PCDHA9: variants seen among roughly 807,000 people sequenced by gnomAD.
PCDHA9 encodes the protein protocadherin alpha 9.
In PCDHA9, 62 loss-of-function variants were observed where a neutral mutation model predicts 62.0. The ratio of observed to expected loss-of-function variants is 1.00; its 90% CI spans 0.81 to 1.23. PCDHA9 has a LOEUF of 1.23. Ranked by LOEUF, PCDHA9 falls within the 50% of genes most tolerant of loss-of-function variation. PCDHA9 has a pLI of 0.00. For missense variants in PCDHA9, 1,205 were observed against 1,249.8 expected, an observed-to-expected ratio of 0.96 and a Z score of 0.54; for synonymous variants, 557 against 567.6, an observed-to-expected ratio of 0.98 and a Z score of 0.27.
chr5:140,984,599 C>T (rs1415361733), intron 3 of PCDHA9, among the ~76,000 whole-genome samples: 1 of 152,162 alleles, frequency 6.6e-6, no homozygotes, highest in Non-Finnish European at 1.5e-5. Context: ...TCAATACATA[C>T]CTCTGCATCA....
At position 140,849,867 on chromosome 5, in the gene PCDHA9, T is replaced by C. The variant is rs2150454998; in HGVS notation, c.1372T>C (p.Ser458Pro). Residue 458 changes from serine to proline, a missense_variant, in exon 1 of 4, where the codon TCC becomes CCC. This residue lies in a region of PCDHA9 where 887 missense variants were observed against 809.5 expected (regional missense o/e 1.10). Coordinates refer to ENST00000532602, the MANE Select transcript of PCDHA9 (RefSeq NM_031857.2). ...CGACAACGCACCAGCGTTCGCGCAG[T>C]CCGAGTACACGGTGTTCGTGAAGGA... The part of the protein sequence containing the change: ...VNDNAPAFAQ[S>P]EYTVFVKENN... The C allele has an allele frequency of 6.1e-5, 97 of 1,598,416 alleles. 5 individuals carry two copies. Among genetic ancestry groups the C allele is most frequent in the Non-Finnish European group, 6.9e-5 (81 of 1,167,974 alleles).
At chr5:140,956,098 GA>G (rs2095256801) in intron 1 of PCDHA9, among the ~76,000 whole-genome samples, 1 of 152,160 alleles carries the variant, frequency 6.6e-6, no homozygotes, top group African/African-American at 2.4e-5. Context: ...TGCAAACAAA[GA>G]TAATTTGATT....
At chr5:140,876,483 G>C in intron 1 of PCDHA9, 1 of 1,614,004 alleles carries the variant, frequency 6.2e-7, no homozygotes, top group Non-Finnish European at 8.5e-7. Context: ...GCATGGTCCT[G>C]GTGGAAGTTC....
chr5:140,850,812 A>C lies in PCDHA9; in HGVS notation c.2317A>C (p.Ser773Arg). The change falls in exon 1 of 4, where the codon AGC (serine) becomes CGC (arginine). Residue 773 changes from serine (S) to arginine (R), a missense_variant. Coordinates refer to ENST00000532602, the MANE Select transcript of PCDHA9 (RefSeq NM_031857.2). Reference protein sequence around the residue: ...GKQKTDLMAFSPGLSPCAGST... With the variant: ...GKQKTDLMAFRPGLSPCAGST... ...GCAGAAGACCGACCTCATGGCCTTC[A>C]GCCCGGGCCTTTCTCCTTGTGCTGG... is the stretch of plus-strand genomic sequence containing the variant. 6.3e-7 allele frequency: 1 copy of C among 1,598,316 alleles called. No individual in the cohort carries two copies. Among genetic ancestry groups the C allele is most frequent in the Non-Finnish European group, 8.6e-7 (1 of 1,167,674 alleles).
intron 1 of PCDHA9, among the ~76,000 whole-genome samples, chr5:140,913,111 T>C (rs2076211610): frequency 6.6e-6 from 1 of 152,194 alleles, no homozygotes; most frequent in Non-Finnish European, 1.5e-5. Context: ...TAGAATCAGT[T>C]TGGAAGTTAA....
intron 1 of PCDHA9, among the ~76,000 whole-genome samples, chr5:140,950,786 T>A (rs890329662): frequency 6.6e-6 from 1 of 152,140 alleles, no homozygotes; most frequent in Non-Finnish European, 1.5e-5. Context: ...TGGTACTTTT[T>A]AAATATTGTC....
At chr5:140,895,143 A>C (rs115893558) in intron 1 of PCDHA9, among the ~76,000 whole-genome samples, 3,577 of 152,272 alleles carry the variant, frequency 0.023, 51 homozygotes, top group Middle Eastern at 0.034. Flanking sequence ...CATAGGGCTA[A>C]GACAGGTTTA....
rs530119651 is a variant in PCDHA9, at chr5:140,965,991, T to A, written c.2395-12958T>A. ...CCTAGGAGTTGAGCACTTTCTGCAG[T>A]ACTTAAGAGTGTCCAGGGAAGATGT... On this transcript the variant is annotated intron_variant, in intron 1 of 3. Transcript: ENST00000532602. Among the ~76,000 whole-genome samples, 253 of 152,310 alleles carry A rather than the reference T, an allele frequency of 1.7e-3. 2 individuals carry two copies. Among genetic ancestry groups the A allele is most frequent in the Non-Finnish European group, 2.4e-3 (164 of 68,034 alleles).
chr5:140,916,092 A>T (rs1396935399), intron 1 of PCDHA9, among the ~76,000 whole-genome samples: 1 of 152,092 alleles, frequency 6.6e-6, no homozygotes, highest in Non-Finnish European at 1.5e-5. Flanking sequence ...GTCCACAGGG[A>T]ATCTGCCTGG....
intron 1 of PCDHA9, chr5:140,870,818 C>A: frequency 6.2e-7 from 1 of 1,613,692 alleles, no homozygotes; most frequent in Non-Finnish European, 8.5e-7. Context: ...GCTGGCAGCG[C>A]GGGAGGCGCA....
At chr5:140,857,386 C>T (rs782509093) in intron 1 of PCDHA9, 1 of 1,598,308 alleles carries the variant, frequency 6.3e-7, no homozygotes. Context: ...AGGTGGCCGA[C>T]GTGAACGACA....
At chr5:140,882,538 C>T (rs782086663) in intron 1 of PCDHA9, 2 of 1,614,170 alleles carry the variant, frequency 1.2e-6, no homozygotes, top group Non-Finnish European at 1.7e-6. Flanking sequence ...ATTCTCGGAT[C>T]GACCGCGAGG....
chr5:140,928,687 C>G (rs782599747), intron 1 of PCDHA9: 1 of 1,614,142 alleles, frequency 6.2e-7, no homozygotes, highest in Non-Finnish European at 8.5e-7. Flanking sequence ...GCTTTCCTAC[C>G]ACATCTCCCG....
chr5:140,950,896 A>G (rs1023778505), intron 1 of PCDHA9, among the ~76,000 whole-genome samples: 1 of 151,834 alleles, frequency 6.6e-6, no homozygotes, highest in Non-Finnish European at 1.5e-5. Context: ...TCTGAGATTT[A>G]TTTTATTTTT....
intron 3 of PCDHA9, among the ~76,000 whole-genome samples, chr5:141,006,466 G>T (rs2153987717): frequency 6.6e-6 from 1 of 152,178 alleles, no homozygotes; most frequent in South Asian, 2.1e-4. Context: ...GCCTGTCTCG[G>T]CCTCCCAAAG....
At chr5:140,927,903 C>T in intron 1 of PCDHA9, 1 of 1,614,158 alleles carries the variant, frequency 6.2e-7, no homozygotes, top group South Asian at 1.1e-5. Flanking sequence ...ACGATCATGC[C>T]CCCGAACTGG....
chr5:140,944,095 A>AT (rs2093609322), intron 1 of PCDHA9, among the ~76,000 whole-genome samples: 1 of 152,250 alleles, frequency 6.6e-6, no homozygotes. Context: ...GAGTAAGTTT[A>AT]TATCTCATGG....
chr5:140,962,825 G>A (rs962485906), intron 1 of PCDHA9, among the ~76,000 whole-genome samples: 1 of 152,194 alleles, frequency 6.6e-6, no homozygotes, highest in Non-Finnish European at 1.5e-5. Flanking sequence ...ATGACCATTT[G>A]TCTCTTTTTT....
rs192969362 is a variant in PCDHA9 at position 140,893,205 on chromosome 5, T to C, written c.2394+42316T>C. On this transcript the variant is annotated intron_variant, in intron 1 of 3. Transcript: ENST00000532602. ...CTATTGTGAATAGTGCTGCAGTAAG[T>C]ATGGGAGGTGCAGGTATCACTTTGA... Among the ~76,000 whole-genome samples, 9 of 152,220 alleles carry C rather than the reference T, an allele frequency of 5.9e-5. No homozygotes were observed. The East Asian group carries it at 9.6e-4, about 16-fold the overall frequency.
Sources: gnomAD v4.1 joint callset for allele counts (sites outside exome capture counted in the v4.1 genomes callset) on GRCh38, gnomAD v4.1.1 for gene constraint, gnomAD v4.1.1 regional missense constraint, MANE v1.5 for transcripts, NCBI Gene and HGNC (gene_info 2026-07-23, HGNC 2026-07-21) for gene names.